ANKAR: variants seen among roughly 807,000 people sequenced by gnomAD.
ANKAR encodes ankyrin and armadillo repeat-containing protein.
In ANKAR, 136 loss-of-function variants were observed where a neutral mutation model predicts 146.2. That is an observed-to-expected ratio of 0.93 (90% CI 0.81 to 1.07). The LOEUF (loss-of-function observed/expected upper bound fraction) is 1.07, where lower values mean the gene tolerates loss of function less well. ANKAR is among the 50% of genes least tolerant of loss of function. The pLI, the probability that ANKAR is intolerant of heterozygous loss-of-function variation, is 0.00. For synonymous variants in ANKAR, 500 were observed against 575.8 expected (o/e 0.87, Z 1.88); for missense variants, 1,567 against 1,679.9 (o/e 0.93, Z 1.18).
At chr2:189,725,450 G>C (rs2041775865) in intron 12 of ANKAR, among the ~76,000 whole-genome samples, 1 of 152,104 alleles carries the variant, frequency 6.6e-6, no homozygotes, top group Non-Finnish European at 1.5e-5. Context: ...TGGGGCAGGG[G>C]CAGAGAAGGT....
rs143106652 is a variant in ANKAR at position 189,695,433 on chromosome 2, A to G, written c.1488+272A>G. 3.0e-3 allele frequency among the ~76,000 whole-genome samples: 456 copies of G among 152,388 alleles called. 5 individuals carry two copies. Among genetic ancestry groups the G allele is most frequent in the Non-Finnish European group, 4.7e-3 (318 of 68,042 alleles). ...GTATGTTAGGCAATATTATAAATCA[A>G]TGAACTCTTTTAAGGTACGACTAGT... is the stretch of plus-strand genomic sequence containing the variant. On this transcript the variant is annotated intron_variant, in intron 6 of 22. Transcript: ENST00000684021.
At chr2:189,757,732 C>T (rs1251789505) in intron 18 of ANKAR, among the ~76,000 whole-genome samples, 1 of 152,196 alleles carries the variant, frequency 6.6e-6, no homozygotes, top group African/African-American at 2.4e-5. Context: ...AGTCATATGT[C>T]TCATTTATAT....
downstream of ANKAR, among the ~76,000 whole-genome samples, chr2:189,762,267 G>A (rs1323044102): frequency 6.6e-6 from 1 of 152,062 alleles, no homozygotes; most frequent in Non-Finnish European, 1.5e-5. Flanking sequence ...CAAAATAATA[G>A]CAGCCCATCA....
At chr2:189,697,450 A>G (rs2037387507) in intron 7 of ANKAR, among the ~76,000 whole-genome samples, 1 of 152,156 alleles carries the variant, frequency 6.6e-6, no homozygotes, top group African/African-American at 2.4e-5. Context: ...TTAATAAGCT[A>G]TGTTAAATTT....
In ANKAR at chr2:189,692,345, A is replaced by C; in HGVS notation, c.1130A>C (p.Tyr377Ser). 6.2e-7 allele frequency: 1 copy of C among 1,613,200 alleles called. No individual in the cohort carries two copies. ...AATTTTCACTACAAAGAGAATCAAT[A>C]TTTTCATGTTCATGGAGGAATTGAA... Reference protein sequence around the residue: ...CQNFHYKENQYFHVHGGIEFD... With the variant: ...CQNFHYKENQSFHVHGGIEFD... The change falls in exon 4 of 23, where the codon TAT becomes TCT. Residue 377 changes from tyrosine to serine, a missense_variant. Transcript: ENST00000684021.
At chr2:189,740,533 G>T (rs956589897) in intron 19 of ANKAR, among the ~76,000 whole-genome samples, 12 of 152,080 alleles carry the variant, frequency 7.9e-5, no homozygotes, top group Non-Finnish European at 1.5e-4. Context: ...GTTGCTAGCT[G>T]CACATTTAAT....
intron 7 of ANKAR, 82 bp downstream of exon 7, chr2:189,696,451 C>G (rs2037215733): frequency 7.2e-7 from 1 of 1,381,732 alleles, no homozygotes; most frequent in African/African-American, 1.5e-5. Context: ...GATTTTAGAG[C>G]AGGTTAAAAT....
intron 18 of ANKAR, among the ~76,000 whole-genome samples, chr2:189,759,657 T>G (rs2046680646): frequency 6.6e-6 from 1 of 152,232 alleles, no homozygotes; most frequent in African/African-American, 2.4e-5. Context: ...AATACAGGAC[T>G]GTGATTCCAA....
chr2:189,732,436 C>A (rs75649511), intron 16 of ANKAR, among the ~76,000 whole-genome samples: 9 of 152,062 alleles, frequency 5.9e-5, no homozygotes, highest in South Asian at 2.1e-4. Context: ...ACAAAGCAGG[C>A]GGATCATGAG....
At chr2:189,721,272 C>T (rs1323408669) in intron 12 of ANKAR, among the ~76,000 whole-genome samples, 1 of 152,170 alleles carries the variant, frequency 6.6e-6, no homozygotes, top group African/African-American at 2.4e-5. Context: ...AAGTATGAGC[C>T]ACCATGCCTG....
intron 16 of ANKAR, 83 bp from the exon 17 acceptor site, chr2:189,733,024 A>G: frequency 7.5e-7 from 1 of 1,327,220 alleles, no homozygotes; most frequent in Admixed American, 2.4e-5. Context: ...TCCACAATGT[A>G]TTCTATATAA....
intron 12 of ANKAR, among the ~76,000 whole-genome samples, chr2:189,722,400 A>G (rs569942190): frequency 5.3e-5 from 8 of 151,284 alleles, no homozygotes; most frequent in African/African-American, 1.7e-4. Flanking sequence ...TATTTTAAAC[A>G]TATAATTTTT....
Position 189,689,543 on chromosome 2 carries a change from A to G in ANKAR, c.618A>G (p.Thr206=), listed in dbSNP as rs770433805. 25 of 1,578,700 alleles carry G rather than the reference A, an allele frequency of 1.6e-5. No individual in the cohort carries two copies. Among genetic ancestry groups the G allele is most frequent in the Middle Eastern group, 1.7e-4 (1 of 5,860 alleles). Reference sequence around the variant, plus strand: ...ATCATGAAGGTTTGACTGATATTACAAAGGATCCAGACTTTAATGAAATCT... The same window carrying G: ...ATCATGAAGGTTTGACTGATATTACGAAGGATCCAGACTTTAATGAAATCT... ...EFSSAGLTDI[T]KDPDFNEIYD... The change falls in exon 3 of 23, where the codon ACA becomes ACG. Residue 206 remains threonine, a synonymous_variant. Transcript: ENST00000684021.
At chr2:189,710,434 C>T (rs1217997940) in intron 9 of ANKAR, among the ~76,000 whole-genome samples, 2 of 151,952 alleles carry the variant, frequency 1.3e-5, no homozygotes, top group African/African-American at 4.8e-5. Context: ...TAATTTTAGC[C>T]GAGGGAGTTG....
chr2:189,729,716 G>GTGTGT (rs1553529034), intron 15 of ANKAR, among the ~76,000 whole-genome samples: 3 of 69,380 alleles, frequency 4.3e-5, no homozygotes, highest in Non-Finnish European at 1.2e-4. Context: ...GTGTGTGTGT[G>GTGTGT]GTGCGGGTGG....
At chr2:189,755,113 G>C in intron 18 of ANKAR, 1 of 1,554,124 alleles carries the variant, frequency 6.4e-7, no homozygotes. Context: ...CACATCTATT[G>C]CTACTTAGTT....
chr2:189,736,510 G>GTTTTTTT lies in ANKAR; in HGVS notation c.3424-1172_3424-1171insTTTTTTT, dbSNP rs1559139245. On this transcript the variant is annotated intron_variant, in intron 17 of 22. Coordinates refer to ENST00000684021, the MANE Select transcript of ANKAR (RefSeq NM_001378068.1). ...ATTTAGGTGACTGGGTTTTGTGTGT[G>GTTTTTTT]TGTGTGTGTGTGTGTGTGTGTGTGT... Among the ~76,000 whole-genome samples the GTTTTTTT allele has an allele frequency of 1.7e-4, 18 of 107,896 alleles. 1 individual carries two copies. The highest frequency in any genetic ancestry group is 2.8e-4 in the South Asian group (1 of 3,518). The allele number at this position is 107,896 out of a possible 152,430, so 70.8% of individuals were successfully genotyped here. A position where few individuals can be genotyped will look rare whatever the true frequency, so the allele number is the denominator to read the frequency against.
At chr2:189,697,857 A>G (rs1228535190) in intron 7 of ANKAR, among the ~76,000 whole-genome samples, 1 of 148,694 alleles carries the variant, frequency 6.7e-6, no homozygotes, top group Admixed American at 6.9e-5. Context: ...TTAAGCAGCC[A>G]TTTGGGGGGC....
At chr2:189,683,460 A>G (rs1311616854) in intron 2 of ANKAR, among the ~76,000 whole-genome samples, 2 of 152,234 alleles carry the variant, frequency 1.3e-5, no homozygotes, top group African/African-American at 4.8e-5. Flanking sequence ...AGGTACAGTC[A>G]GGTCAAGTCT....
Sources: gnomAD v4.1 joint callset for allele counts (sites outside exome capture counted in the v4.1 genomes callset) on GRCh38, gnomAD v4.1.1 for gene constraint, MANE v1.5 for transcripts, NCBI Gene and HGNC (gene_info 2026-07-23, HGNC 2026-07-21) for gene names.